Variants in NT5E observed in about 807,000 individuals in gnomAD.
NT5E encodes 5'-nucleotidase ecto, also known as 5'-nucleotidase.
NT5E carries 53 observed loss-of-function variants against 55.1 expected under a neutral mutation model. The observed-to-expected ratio is 0.96, with a 90% CI of 0.77 to 1.21. NT5E has a LOEUF of 1.21. Ranked by LOEUF, NT5E falls within the 50% of genes most tolerant of loss-of-function variation. NT5E has a pLI of 0.00. For synonymous variants in NT5E, 270 were observed against 278.4 expected (o/e 0.97, Z 0.30); for missense variants, 683 against 724.3 (o/e 0.94, Z 0.65).
intron 4 of NT5E, among the ~76,000 whole-genome samples, chr6:85,486,756 T>C (rs745478647): frequency 2.1e-4 from 32 of 152,342 alleles, no homozygotes; most frequent in Admixed American, 3.9e-4. Flanking sequence ...TCCGTAGCAA[T>C]AGTTTCAGGG....
chr6:85,487,788 G>C (rs1167995103), intron 5 of NT5E, among the ~76,000 whole-genome samples: 5 of 152,098 alleles, frequency 3.3e-5, no homozygotes, highest in Admixed American at 3.3e-4. Flanking sequence ...TAAAACATTA[G>C]TGCCTAAACA....
intron 1 of NT5E, among the ~76,000 whole-genome samples, chr6:85,462,279 C>T (rs186286205): frequency 7.2e-5 from 11 of 152,266 alleles, no homozygotes; most frequent in African/African-American, 2.6e-4. Context: ...CTGCCTCCAG[C>T]CCTACTTTCT....
At chr6:85,463,217 T>C (rs1769127851) in intron 1 of NT5E, among the ~76,000 whole-genome samples, 1 of 152,214 alleles carries the variant, frequency 6.6e-6, no homozygotes, top group Non-Finnish European at 1.5e-5. Flanking sequence ...TGGGCTTTGC[T>C]CTCTTAAATT....
intron 1 of NT5E, among the ~76,000 whole-genome samples, chr6:85,453,662 G>C (rs1768934658): frequency 6.6e-6 from 1 of 152,064 alleles, no homozygotes; most frequent in African/African-American, 2.4e-5. Context: ...CCTTTTCTCT[G>C]CTTGGCTGCT....
intron 4 of NT5E, among the ~76,000 whole-genome samples, chr6:85,485,686 T>C (rs1487475886): frequency 6.6e-6 from 1 of 152,222 alleles, no homozygotes; most frequent in Non-Finnish European, 1.5e-5. Flanking sequence ...TTTTAAAATC[T>C]TGATCCTGAC....
intron 1 of NT5E, among the ~76,000 whole-genome samples, chr6:85,458,818 C>A (rs1291981693): frequency 6.6e-6 from 1 of 152,144 alleles, no homozygotes; most frequent in Admixed American, 6.5e-5. Flanking sequence ...TACGTCCCCC[C>A]TCCCCAAACA....
At chr6:85,474,807 G>A (rs1170993996) in intron 3 of NT5E, among the ~76,000 whole-genome samples, 1 of 152,074 alleles carries the variant, frequency 6.6e-6, no homozygotes, top group African/African-American at 2.4e-5. Flanking sequence ...AGGGGCATAT[G>A]CCTGTAGTCC....
chr6:85,490,445 G>A (rs1252091937), intron 6 of NT5E, 63 bp from the exon 7 acceptor site: 1 of 1,589,834 alleles, frequency 6.3e-7, no homozygotes. Context: ...GAGGGAAACT[G>A]GTCATGGTGT....
Position 85,491,952 on chromosome 6 carries a change from G to A in NT5E, c.1361-25G>A, listed in dbSNP as rs763685308. 3.7e-6 allele frequency: 6 copies of A among 1,605,884 alleles called. No homozygotes were observed. In the Admixed American group the frequency reaches 1.0e-4, roughly 27 times the overall value. On this transcript the variant is annotated intron_variant, in intron 7 of 8. Coordinates refer to ENST00000257770, the MANE Select transcript of NT5E (RefSeq NM_002526.4). ...ACAGAAATCTCCCTTTGGATCTGGT[G>A]AAAACAGATTCATTTCTTTTCTAGG...
At chr6:85,460,942 A>G (rs1769088655) in intron 1 of NT5E, among the ~76,000 whole-genome samples, 1 of 152,228 alleles carries the variant, frequency 6.6e-6, no homozygotes, top group Non-Finnish European at 1.5e-5. Flanking sequence ...GCGGTCTTCC[A>G]TTAAGGCCTC....
chr6:85,485,111 T>C, intron 3 of NT5E, 124 bp from the exon 4 acceptor site: 1 of 903,072 alleles, frequency 1.1e-6, no homozygotes. Flanking sequence ...AGACTAGCTA[T>C]GTAGAGCAAC....
chr6:85,488,903 CTTTT>C (rs1302954898), intron 5 of NT5E, among the ~76,000 whole-genome samples: 1 of 132,130 alleles, frequency 7.6e-6, no homozygotes, highest in Non-Finnish European at 1.6e-5. Context: ...TTTTTTTCGG[CTTTT>C]TGTCTCCTAA....
Position 85,487,545 on chromosome 6 carries a change from G to A in NT5E, c.1104+56G>A, listed in dbSNP as rs1582386683. Reference sequence around the variant, plus strand: ...AGGGAGGAAGGAAAGGAAGAGGGAAGAGGAAGGAAGGATGCGAGAAGGGAT... The same window carrying A: ...AGGGAGGAAGGAAAGGAAGAGGGAAAAGGAAGGAAGGATGCGAGAAGGGAT... On this transcript the variant is annotated intron_variant, in intron 5 of 8. Coordinates refer to ENST00000257770, the MANE Select transcript of NT5E (RefSeq NM_002526.4). The A allele has an allele frequency of 4.4e-6, 7 of 1,599,410 alleles. No homozygotes were observed. In the East Asian group the frequency reaches 1.6e-4, roughly 36 times the overall value.
chr6:85,464,767 G>T (rs535794434), intron 1 of NT5E, among the ~76,000 whole-genome samples: 3 of 152,308 alleles, frequency 2.0e-5, no homozygotes, highest in African/African-American at 7.2e-5. Flanking sequence ...GCACACTAAG[G>T]CAGCAACAAT....
intron 1 of NT5E, among the ~76,000 whole-genome samples, chr6:85,455,396 G>A (rs1245522606): frequency 6.6e-6 from 1 of 152,112 alleles, no homozygotes; most frequent in Non-Finnish European, 1.5e-5. Context: ...AAGGAGGGTG[G>A]GACTGGAGAT....
At chr6:85,477,746 C>A (rs1769464396) in intron 3 of NT5E, among the ~76,000 whole-genome samples, 1 of 152,198 alleles carries the variant, frequency 6.6e-6, no homozygotes, top group African/African-American at 2.4e-5. Context: ...CACTCCTCAA[C>A]AAAGAACCAT....
intron 7 of NT5E, chr6:85,490,997 CCTCTG>C (rs1769769771): frequency 2.0e-6 from 1 of 507,458 alleles, no homozygotes; most frequent in South Asian, 1.5e-5. Flanking sequence ...TAAATCCTCT[CCTCTG>C]TTCTACTCAT....
intron 1 of NT5E, 36 bp from the exon 2 acceptor site, chr6:85,467,024 G>C: frequency 3.2e-6 from 5 of 1,571,014 alleles, no homozygotes; most frequent in Non-Finnish European, 4.4e-6. Context: ...TGTTTTTAAA[G>C]CACCTAATTC....
At chr6:85,473,279 G>A (rs1769355469) in intron 3 of NT5E, among the ~76,000 whole-genome samples, 1 of 152,138 alleles carries the variant, frequency 6.6e-6, no homozygotes, top group Admixed American at 6.5e-5. Flanking sequence ...GTGGAATGAA[G>A]GTGATAACAA....
Sources: gnomAD v4.1 joint callset for allele counts (sites outside exome capture counted in the v4.1 genomes callset) on GRCh38, gnomAD v4.1.1 for gene constraint, MANE v1.5 for transcripts, NCBI Gene and HGNC (gene_info 2026-07-23, HGNC 2026-07-21) for gene names.